AGBL1: variants seen among roughly 807,000 people sequenced by gnomAD.
AGBL1 encodes the protein cytosolic carboxypeptidase 4.
In AGBL1, 130 loss-of-function variants were observed where a neutral mutation model predicts 118.9. That is an observed-to-expected ratio of 1.09 (90% CI 0.95 to 1.26). The LOEUF is 1.26. Among genes scored for constraint, AGBL1 ranks in the 50% most tolerant of loss-of-function variants. AGBL1 has a pLI of 0.00. For missense variants in AGBL1, 1,584 were observed against 1,298.1 expected (o/e 1.22, Z -3.38); for synonymous variants, 555 against 478.9 (o/e 1.16, Z -2.08).
chr15:86,139,313 T>A (rs1445801953), intron 1 of AGBL1, among the ~76,000 whole-genome samples: 1 of 151,874 alleles, frequency 6.6e-6, no homozygotes, highest in Non-Finnish European at 1.5e-5. Flanking sequence ...ATAACACCTC[T>A]GTTATACAGA....
intron 5 of AGBL1, among the ~76,000 whole-genome samples, chr15:86,206,203 C>T (rs780302705): frequency 1.6e-4 from 25 of 152,068 alleles, no homozygotes; most frequent in Non-Finnish European, 3.1e-4. Flanking sequence ...TTTCTTAATC[C>T]AGTCTATCAT....
intron 22 of AGBL1, among the ~76,000 whole-genome samples, chr15:86,844,845 G>A (rs1189837891): frequency 2.0e-5 from 3 of 151,980 alleles, no homozygotes; most frequent in African/African-American, 7.2e-5. Context: ...TTGCTCTTAT[G>A]TTCTATGAGT....
intron 22 of AGBL1, among the ~76,000 whole-genome samples, chr15:86,796,881 CT>C (rs2078580206): frequency 6.6e-6 from 1 of 152,178 alleles, no homozygotes; most frequent in African/African-American, 2.4e-5. Flanking sequence ...CTTTCTAAGT[CT>C]TTCTCACTAC....
chr15:86,878,195 T>C (rs2079840427), intron 22 of AGBL1, among the ~76,000 whole-genome samples: 1 of 152,184 alleles, frequency 6.6e-6, no homozygotes, highest in South Asian at 2.1e-4. Context: ...TATGATTTTG[T>C]GATTAGGGTT....
chr15:86,473,917 T>G (rs2082516376), intron 18 of AGBL1, among the ~76,000 whole-genome samples: 1 of 152,232 alleles, frequency 6.6e-6, no homozygotes, highest in Non-Finnish European at 1.5e-5. Context: ...TTGTGTGGAC[T>G]TGAACTTCTA....
intron 17 of AGBL1, among the ~76,000 whole-genome samples, chr15:86,301,641 G>GGGGT (rs1190661198): frequency 7.3e-6 from 1 of 137,242 alleles, no homozygotes; most frequent in South Asian, 2.6e-4. Context: ...TAATCTACAG[G>GGGGT]GTGTGTGTGT....
At chr15:86,231,168 A>C (rs1401509863) in intron 6 of AGBL1, among the ~76,000 whole-genome samples, 1 of 152,216 alleles carries the variant, frequency 6.6e-6, no homozygotes, top group Non-Finnish European at 1.5e-5. Flanking sequence ...GTGTGTATGC[A>C]TATTTTTCCT....
chr15:86,801,011 G>T (rs1169454692), intron 22 of AGBL1, among the ~76,000 whole-genome samples: 3 of 151,998 alleles, frequency 2.0e-5, no homozygotes, highest in Non-Finnish European at 4.4e-5. Context: ...CCAACAAAAG[G>T]TCGTTGAGTT....
chr15:86,641,363 A>G (rs2142468496), intron 21 of AGBL1, among the ~76,000 whole-genome samples: 1 of 152,126 alleles, frequency 6.6e-6, no homozygotes, highest in East Asian at 1.9e-4. Flanking sequence ...GCGCTGTTTA[A>G]AGAATATTGG....
chr15:86,461,142 C>G (rs1382648364), intron 18 of AGBL1, among the ~76,000 whole-genome samples: 1 of 152,170 alleles, frequency 6.6e-6, no homozygotes, highest in Non-Finnish European at 1.5e-5. Flanking sequence ...TTGTTCTGGG[C>G]TATAGCCTGG....
intron 22 of AGBL1, among the ~76,000 whole-genome samples, chr15:86,896,658 A>G (rs1275207063): frequency 6.6e-6 from 1 of 152,036 alleles, no homozygotes; most frequent in Non-Finnish European, 1.5e-5. Context: ...CATATTGTCT[A>G]TTGACTTCTG....
chr15:86,434,591 G>C (rs1276412994), intron 18 of AGBL1, among the ~76,000 whole-genome samples: 1 of 152,132 alleles, frequency 6.6e-6, no homozygotes, highest in African/African-American at 2.4e-5. Context: ...CATTCAAATT[G>C]ACTAACATTT....
intron 18 of AGBL1, among the ~76,000 whole-genome samples, chr15:86,472,223 C>T (rs2082488304): frequency 6.6e-6 from 1 of 152,174 alleles, no homozygotes; most frequent in African/African-American, 2.4e-5. Flanking sequence ...GTTCCAGCAG[C>T]CCCAGGAAAC....
intron 21 of AGBL1, among the ~76,000 whole-genome samples, chr15:86,637,962 CCTT>C (rs766451472): frequency 1.2e-4 from 19 of 152,138 alleles, no homozygotes; most frequent in African/African-American, 3.1e-4. Context: ...GTTTCTCTAT[CCTT>C]CTGCCCCTCA....
chr15:86,403,957 A>G (rs1251549891), intron 18 of AGBL1, among the ~76,000 whole-genome samples: 1 of 152,220 alleles, frequency 6.6e-6, no homozygotes, highest in African/African-American at 2.4e-5. Context: ...TGGAACTGGC[A>G]TAAGAAATTG....
intron 22 of AGBL1, among the ~76,000 whole-genome samples, chr15:86,675,827 G>T (rs1338923084): frequency 6.6e-6 from 1 of 152,136 alleles, no homozygotes; most frequent in African/African-American, 2.4e-5. Context: ...AGATTGAGCA[G>T]AACTGGCATT....
intron 23 of AGBL1, among the ~76,000 whole-genome samples, chr15:86,969,830 A>G (rs536055812): frequency 6.6e-6 from 1 of 151,970 alleles, no homozygotes; most frequent in Non-Finnish European, 1.5e-5. Flanking sequence ...ACAGCATGCT[A>G]TTAACCAAAT....
chr15:86,595,461 TC>T (rs1479499459), intron 21 of AGBL1, among the ~76,000 whole-genome samples: 1 of 152,214 alleles, frequency 6.6e-6, no homozygotes, highest in African/African-American at 2.4e-5. Context: ...ACTATGAATT[TC>T]TTGCTCTCTT....
At chr15:86,880,686 T>C (rs562731671) in intron 22 of AGBL1, among the ~76,000 whole-genome samples, 2 of 152,176 alleles carry the variant, frequency 1.3e-5, no homozygotes, top group African/African-American at 4.8e-5. Context: ...GATGTGAGTG[T>C]GTACATGTGT....
Sources: gnomAD v4.1 joint callset for allele counts (sites outside exome capture counted in the v4.1 genomes callset) on GRCh38, gnomAD v4.1.1 for gene constraint, MANE v1.5 for transcripts, NCBI Gene and HGNC (gene_info 2026-07-23, HGNC 2026-07-21) for gene names.